DDR2: variants seen among roughly 807,000 people sequenced by gnomAD.
DDR2 encodes the protein discoidin domain-containing receptor 2.
A neutral mutation model predicts 94.9 loss-of-function variants in DDR2; 27 were observed. That is an observed-to-expected ratio of 0.28 (90% CI 0.21 to 0.39). DDR2 has a LOEUF of 0.39. Ranked by LOEUF, DDR2 falls within the 10% of genes least tolerant of loss-of-function variation. The probability of loss-of-function intolerance (pLI) is 1.00; values close to 1 mark genes in which losing one functional copy is unlikely to be tolerated. For missense variants in DDR2, 783 were observed against 1,076.0 expected (o/e 0.73, Z 3.81); for synonymous variants, 382 against 377.2 (o/e 1.01, Z -0.15).
intron 1 of DDR2, among the ~76,000 whole-genome samples, chr1:162,638,428 A>G (rs1183825863): frequency 6.6e-6 from 1 of 152,226 alleles, no homozygotes; most frequent in Non-Finnish European, 1.5e-5. Context: ...ATTAAAGAAC[A>G]AACTCCCATA....
At chr1:162,726,646 A>G (rs1239180294) in intron 3 of DDR2, among the ~76,000 whole-genome samples, 2 of 152,146 alleles carry the variant, frequency 1.3e-5, no homozygotes, top group Non-Finnish European at 2.9e-5. Context: ...GAGCATGATC[A>G]TGGGACTCCA....
At chr1:162,718,470 C>T (rs555029053) in intron 2 of DDR2, among the ~76,000 whole-genome samples, 1 of 152,128 alleles carries the variant, frequency 6.6e-6, no homozygotes, top group South Asian at 2.1e-4. Context: ...CTATTTGTAT[C>T]CTTATTAAGC....
At position 162,776,630 on chromosome 1, in the gene DDR2, A is replaced by T. The variant is rs551434685; in HGVS notation, c.2283+260A>T. On this transcript the variant is annotated intron_variant, in intron 16 of 17. Coordinates refer to ENST00000367921, the MANE Select transcript of DDR2 (RefSeq NM_006182.4). ...TTTATTATCTTTGTTTCTCTTTATC[A>T]TTTCTACCTAGTGATTGTTCTTAAT... 3.9e-5 allele frequency among the ~76,000 whole-genome samples: 6 copies of T among 152,294 alleles called. No individual in the cohort carries two copies. The South Asian group carries it at 1.2e-3, about 32-fold the overall frequency.
intron 17 of DDR2, among the ~76,000 whole-genome samples, chr1:162,779,309 C>CT (rs200871509): frequency 0.032 from 4,866 of 151,860 alleles, 110 homozygotes; most frequent in Middle Eastern, 0.051. Flanking sequence ...ATACTCCAAG[C>CT]TTTTTTTTGG....
chr1:162,720,374 G>T (rs1025277115), intron 3 of DDR2, among the ~76,000 whole-genome samples: 3 of 151,880 alleles, frequency 2.0e-5, no homozygotes, highest in Non-Finnish European at 2.9e-5. Context: ...GATTAGTTTT[G>T]CCCATTTTTG....
At chr1:162,674,920 G>A (rs1455633108) in intron 2 of DDR2, among the ~76,000 whole-genome samples, 18 of 152,160 alleles carry the variant, frequency 1.2e-4, no homozygotes, top group African/African-American at 3.6e-4. Flanking sequence ...TTGAGGGGCT[G>A]AGGCGGGTGG....
intron 2 of DDR2, among the ~76,000 whole-genome samples, chr1:162,708,527 A>G (rs187185093): frequency 0.041 from 6,245 of 152,200 alleles, 163 homozygotes; most frequent in South Asian, 0.073. Context: ...TTCTTGAGGT[A>G]TGAGCACTCT....
intron 2 of DDR2, among the ~76,000 whole-genome samples, chr1:162,657,923 T>G (rs1658086750): frequency 6.6e-6 from 1 of 152,036 alleles, no homozygotes; most frequent in Non-Finnish European, 1.5e-5. Flanking sequence ...TCCCTCTTGT[T>G]TTGTTTTCTC....
intron 1 of DDR2, among the ~76,000 whole-genome samples, chr1:162,634,954 G>C (rs1656741915): frequency 6.6e-6 from 1 of 152,154 alleles, no homozygotes; most frequent in Non-Finnish European, 1.5e-5. Context: ...AGTCAGAAGG[G>C]AGGCTGCTGC....
chr1:162,735,015 G>A (rs1421537308), intron 3 of DDR2, among the ~76,000 whole-genome samples: 2 of 152,164 alleles, frequency 1.3e-5, no homozygotes, highest in Admixed American at 1.3e-4. Flanking sequence ...ATAGAGGAGA[G>A]AAACAGCTGG....
chr1:162,749,895 AC>A (rs1368282606), intron 3 of DDR2, among the ~76,000 whole-genome samples: 1 of 152,222 alleles, frequency 6.6e-6, no homozygotes, highest in Non-Finnish European at 1.5e-5. Context: ...TATAAACAGA[AC>A]CAAAGACAAA....
At chr1:162,688,690 G>A (rs1659808367) in intron 2 of DDR2, among the ~76,000 whole-genome samples, 1 of 152,254 alleles carries the variant, frequency 6.6e-6, no homozygotes, top group Non-Finnish European at 1.5e-5. Flanking sequence ...GCACGGAGGA[G>A]GGATGTCTGT....
chr1:162,698,787 G>T (rs1041297094), intron 2 of DDR2, among the ~76,000 whole-genome samples: 2 of 152,158 alleles, frequency 1.3e-5, no homozygotes, highest in African/African-American at 4.8e-5. Context: ...AGTCTGAGGG[G>T]CTGTACAGAG....
intron 12 of DDR2, 106 bp from the exon 13 acceptor site, chr1:162,771,918 T>C: frequency 6.7e-6 from 8 of 1,193,304 alleles, no homozygotes; most frequent in Non-Finnish European, 8.5e-6. Flanking sequence ...TGAAGCAGGT[T>C]AGGCTTTCAC....
intron 1 of DDR2, among the ~76,000 whole-genome samples, chr1:162,639,750 C>T (rs1416680651): frequency 3.9e-5 from 6 of 152,174 alleles, no homozygotes; most frequent in Admixed American, 3.9e-4. Flanking sequence ...AACGGTTCAA[C>T]TTACGATTTT....
chr1:162,650,748 CAG>C (rs1263916303), intron 1 of DDR2, among the ~76,000 whole-genome samples: 2 of 151,964 alleles, frequency 1.3e-5, no homozygotes, highest in African/African-American at 4.8e-5. Context: ...TTTTTTGAGA[CAG>C]AGTCTTGCTC....
In DDR2 at chr1:162,693,846, G is replaced by A. The variant is rs138772207; in HGVS notation, c.-27-25191G>A. On this transcript the variant is annotated intron_variant, in intron 2 of 17. Transcript: ENST00000367921. ...CCCTGCATTGGGATCCTTGGCCTCC[G>A]AAGCAGGAAACTCAGCATCATTCTT... Among the ~76,000 whole-genome samples the A allele has an allele frequency of 7.2e-3, 1,093 of 152,266 alleles. 12 individuals carry two copies. Among genetic ancestry groups the A allele is most frequent in the African/African-American group, 0.025 (1,040 of 41,558 alleles).
chr1:162,645,344 T>A (rs954063611), intron 1 of DDR2, among the ~76,000 whole-genome samples: 2 of 152,166 alleles, frequency 1.3e-5, no homozygotes, highest in Non-Finnish European at 2.9e-5. Flanking sequence ...TGTATAATTT[T>A]AAAACTAGGT....
chr1:162,638,001 T>C (rs1656921565), intron 1 of DDR2, among the ~76,000 whole-genome samples: 1 of 152,162 alleles, frequency 6.6e-6, no homozygotes, highest in African/African-American at 2.4e-5. Context: ...TTCCTCCTTT[T>C]TGGGACTGTA....
Sources: allele counts gnomAD v4.1 joint callset (sites outside exome capture counted in the v4.1 genomes callset), GRCh38; gene constraint gnomAD v4.1.1; transcripts MANE v1.5; gene names NCBI Gene and HGNC (gene_info 2026-07-23, HGNC 2026-07-21).